The following HACD2 variants were observed in gnomAD, a reference collection of about 807,000 sequenced individuals.
The protein encoded by HACD2 is 3-hydroxyacyl-CoA dehydratase 2.
A neutral mutation model predicts 31.0 loss-of-function variants in HACD2; 15 were observed. The observed-to-expected ratio is 0.48, with a 90% CI of 0.32 to 0.75. HACD2 has a LOEUF of 0.75. Among genes scored for constraint, HACD2 ranks in the 30% least tolerant of loss-of-function variants. The pLI, the probability that HACD2 is intolerant of heterozygous loss-of-function variation, is 0.03. For missense variants in HACD2, 283 were observed against 313.0 expected, an observed-to-expected ratio of 0.90 and a Z score of 0.72; for synonymous variants, 115 against 122.2, an observed-to-expected ratio of 0.94 and a Z score of 0.39.
intron 3 of HACD2, among the ~76,000 whole-genome samples, chr3:123,564,373 A>G (rs2056769081): frequency 6.6e-6 from 1 of 152,238 alleles, no homozygotes; most frequent in South Asian, 2.1e-4. Context: ...AGAAACACTC[A>G]TGATTAAGGG....
At chr3:123,525,530 A>G (rs1182710485) in intron 4 of HACD2, among the ~76,000 whole-genome samples, 3 of 152,194 alleles carry the variant, frequency 2.0e-5, no homozygotes, top group African/African-American at 7.2e-5. Context: ...AAGGAAATAT[A>G]CCTCACGTGA....
chr3:123,560,285 T>C (rs549722216), intron 3 of HACD2, among the ~76,000 whole-genome samples: 32 of 152,290 alleles, frequency 2.1e-4, no homozygotes, highest in African/African-American at 7.5e-4. Context: ...TTGGGAAAGA[T>C]TAAAGTTTGA....
chr3:123,523,619 A>G (rs1373000127), intron 4 of HACD2, among the ~76,000 whole-genome samples: 1 of 152,228 alleles, frequency 6.6e-6, no homozygotes, highest in Non-Finnish European at 1.5e-5. Flanking sequence ...ATTCTAGAAT[A>G]CTGAGTTCTA....
At chr3:123,544,091 T>C (rs150641360) in intron 3 of HACD2, among the ~76,000 whole-genome samples, 73 of 152,316 alleles carry the variant, frequency 4.8e-4, no homozygotes, top group African/African-American at 1.7e-3. Flanking sequence ...CCAGCTCTGC[T>C]TTCCCATCCT....
At chr3:123,534,696 C>T (rs1576758133) in intron 3 of HACD2, among the ~76,000 whole-genome samples, 1 of 151,966 alleles carries the variant, frequency 6.6e-6, no homozygotes, top group East Asian at 1.9e-4. Context: ...TAGGAGATGG[C>T]AGCTCCATGT....
chr3:123,582,378 T>A (rs2056975207), intron 1 of HACD2, 49 bp from the exon 2 acceptor site: 1 of 1,335,452 alleles, frequency 7.5e-7, no homozygotes, highest in Non-Finnish European at 1.0e-6. Context: ...ATAAAAAAAG[T>A]AGCATTTAGG....
At chr3:123,537,272 T>G (rs2056437608) in intron 3 of HACD2, among the ~76,000 whole-genome samples, 1 of 152,200 alleles carries the variant, frequency 6.6e-6, no homozygotes, top group Admixed American at 6.5e-5. Context: ...CATAACTTTT[T>G]TCTTATATCT....
At chr3:123,535,414 T>C (rs2056413183) in intron 3 of HACD2, among the ~76,000 whole-genome samples, 1 of 152,116 alleles carries the variant, frequency 6.6e-6, no homozygotes, top group Non-Finnish European at 1.5e-5. Context: ...GAATCTAAAG[T>C]AATAACATTA....
intron 3 of HACD2, among the ~76,000 whole-genome samples, chr3:123,541,086 C>T (rs1160282442): frequency 6.6e-6 from 1 of 152,128 alleles, no homozygotes; most frequent in African/African-American, 2.4e-5. Flanking sequence ...GCCTGGCCAA[C>T]ATGATGAAAC....
At chr3:123,574,102 T>C (rs1372245797) in intron 2 of HACD2, among the ~76,000 whole-genome samples, 1 of 152,258 alleles carries the variant, frequency 6.6e-6, no homozygotes, top group Non-Finnish European at 1.5e-5. Flanking sequence ...AACAATTCTA[T>C]TTTTTAACTT....
At chr3:123,564,733 T>C (rs2056772966) in intron 3 of HACD2, among the ~76,000 whole-genome samples, 1 of 152,118 alleles carries the variant, frequency 6.6e-6, no homozygotes, top group Non-Finnish European at 1.5e-5. Context: ...ACAGGGTCAA[T>C]GGCCAGGTTA....
chr3:123,516,774 G>T (rs1420032470), intron 4 of HACD2, among the ~76,000 whole-genome samples: 1 of 152,220 alleles, frequency 6.6e-6, no homozygotes, highest in African/African-American at 2.4e-5. Context: ...GGCCAGACAT[G>T]CAGAATGCTA....
chr3:123,563,764 C>T lies in HACD2; in HGVS notation c.292+3998G>A, dbSNP rs1466498745. On this transcript the variant is annotated intron_variant, in intron 3 of 6. Coordinates refer to ENST00000383657, the MANE Select transcript of HACD2 (RefSeq NM_198402.5). ...GCTAATTAACATATGCATCACCTCA[C>T]ACATTTATTTGTGGTAAGAACAAAG... Among the ~76,000 whole-genome samples the T allele has an allele frequency of 2.0e-5, 3 of 152,234 alleles. No individual in the cohort carries two copies. The East Asian group carries it at 5.8e-4, about 29-fold the overall frequency.
chr3:123,579,804 C>T (rs886373123), intron 2 of HACD2, among the ~76,000 whole-genome samples: 1 of 151,938 alleles, frequency 6.6e-6, no homozygotes, highest in African/African-American at 2.4e-5. Flanking sequence ...TACTAGTGTC[C>T]GCTTCCAAAA....
chr3:123,565,437 A>G (rs2056779498), intron 3 of HACD2, among the ~76,000 whole-genome samples: 1 of 152,078 alleles, frequency 6.6e-6, no homozygotes, highest in East Asian at 1.9e-4. Flanking sequence ...TGCCCTTATA[A>G]AAGGCCCAAG....
chr3:123,525,283 C>T (rs370106689), intron 4 of HACD2, among the ~76,000 whole-genome samples: 64 of 152,274 alleles, frequency 4.2e-4, no homozygotes, highest in Admixed American at 3.5e-3. Flanking sequence ...TGTGAGCATA[C>T]GGATCACAAT....
chr3:123,522,994 C>T (rs2056235266), intron 4 of HACD2, among the ~76,000 whole-genome samples: 1 of 152,152 alleles, frequency 6.6e-6, no homozygotes, highest in African/African-American at 2.4e-5. Context: ...TGCCTTTCTG[C>T]CTCACCATGA....
intron 4 of HACD2, among the ~76,000 whole-genome samples, chr3:123,510,541 G>A (rs567121513): frequency 6.6e-6 from 1 of 152,234 alleles, no homozygotes; most frequent in Admixed American, 6.5e-5. Context: ...AGCCACCACC[G>A]TGCCTGGCCT....
intron 3 of HACD2, among the ~76,000 whole-genome samples, chr3:123,560,957 T>A (rs778584476): frequency 3.3e-5 from 5 of 152,216 alleles, no homozygotes; most frequent in Non-Finnish European, 7.3e-5. Context: ...ATGCTCTCCT[T>A]CCAGAGTTCT....
Sources: gnomAD v4.1 joint callset for allele counts (sites outside exome capture counted in the v4.1 genomes callset) on GRCh38, gnomAD v4.1.1 for gene constraint, MANE v1.5 for transcripts, NCBI Gene and HGNC (gene_info 2026-07-23, HGNC 2026-07-21) for gene names.